AGO4: variants seen among roughly 807,000 people sequenced by gnomAD.
The protein encoded by AGO4 is argonaute RISC component 4.
AGO4 carries 33 observed loss-of-function variants against 104.7 expected under a neutral mutation model. The observed-to-expected ratio is 0.32, with a 90% CI of 0.24 to 0.42. The LOEUF (loss-of-function observed/expected upper bound fraction) is 0.42. Among genes scored for constraint, AGO4 ranks in the 10% least tolerant of loss-of-function variants. The probability of loss-of-function intolerance (pLI) is 1.00; values close to 1 mark genes in which losing one functional copy is unlikely to be tolerated. For synonymous variants in AGO4, 331 were observed against 364.7 expected (o/e 0.91, Z 1.05); for missense variants, 711 against 1,083.4 (o/e 0.66, Z 4.83).
intron 15 of AGO4, among the ~76,000 whole-genome samples, chr1:35,849,039 A>G (rs1205702544): frequency 6.6e-6 from 1 of 152,246 alleles, no homozygotes; most frequent in Non-Finnish European, 1.5e-5. Flanking sequence ...TTGTGCCTGT[A>G]TGCTAAAGAA....
At chr1:35,848,690 A>G (rs1644631698) in intron 15 of AGO4, among the ~76,000 whole-genome samples, 1 of 151,368 alleles carries the variant, frequency 6.6e-6, no homozygotes, top group South Asian at 2.1e-4. Context: ...TATACTTTAT[A>G]TCCCTTTTAA....
rs1644696660 is a variant in AGO4, at chr1:35,851,306, A to C, written c.2477+253A>C. The C allele has an allele frequency of 1.2e-5, 6 of 500,196 alleles. No individual in the cohort carries two copies. In the East Asian group the frequency reaches 2.2e-4, roughly 18 times the overall value. 31.0% of individuals were successfully genotyped at this position (500,196 alleles called of 1,614,324 possible). A position where few individuals can be genotyped will look rare whatever the true frequency, so the allele number is the denominator to read the frequency against. On this transcript the variant is annotated intron_variant, in intron 17 of 17. Transcript: ENST00000373210. ...TGCTTGTGGTTCTCCCATGGAGCCA[A>C]ATGCATTTCAGTTCTGCTCAGGTCC...
rs1644760754 is a variant in AGO4 at position 35,853,744 on chromosome 1, A to G, written c.*139A>G. On this transcript the variant is annotated 3_prime_UTR_variant, in exon 18 of 18. Transcript: ENST00000373210. ...AGCTCGGAATAGTTGCACTGAATCT[A>G]TACTTTGCAGCACTGTCTGATGCGT... 2 of 671,702 alleles carry G rather than the reference A, an allele frequency of 3.0e-6. No individual in the cohort carries two copies. The highest frequency in any genetic ancestry group is 1.9e-5 in the South Asian group (1 of 52,460). The allele number at this position is 671,702 out of a possible 1,614,324, so 41.6% of individuals were successfully genotyped here. A position where few individuals can be genotyped will look rare whatever the true frequency, so the allele number is the denominator to read the frequency against.
intron 12 of AGO4, 129 bp from the exon 13 acceptor site, chr1:35,835,705 T>G: frequency 1.4e-6 from 1 of 699,254 alleles, no homozygotes; most frequent in Non-Finnish European, 2.1e-6. Context: ...GGAAGACACA[T>G]GAGAAGCATC....
intron 13 of AGO4, among the ~76,000 whole-genome samples, chr1:35,839,792 A>G (rs1319867675): frequency 6.6e-6 from 1 of 151,962 alleles, no homozygotes; most frequent in Non-Finnish European, 1.5e-5. Context: ...GATGCCTCTT[A>G]AATTACACTT....
rs773809553 is a variant in AGO4 at position 35,822,884 on chromosome 1, C to T, written c.208C>T (p.Arg70Trp). 4 of 1,613,808 alleles carry T rather than the reference C, an allele frequency of 2.5e-6. No individual in the cohort carries two copies. The highest frequency in any genetic ancestry group is 1.6e-4 in the Middle Eastern group (1 of 6,082). The stretch of plus-strand genomic sequence containing the variant: ...AAGGGAGGTAGTAGATACAATGGTG[C>T]GGCACTTCAAGATGCAAATATTTGG... The part of the protein sequence containing the change: ...VNREVVDTMV[R>W]HFKMQIFGDR... The change falls in exon 3 of 18, where the codon CGG (arginine) becomes TGG (tryptophan). Residue 70 changes from arginine to tryptophan, a missense_variant. Physicochemically the swap from Arg to Trp is moderately radical, Grantham distance 101. Coordinates refer to ENST00000373210, the MANE Select transcript of AGO4 (RefSeq NM_017629.4).
chr1:35,815,615 T>C lies in AGO4; in HGVS notation c.20-1267T>C, dbSNP rs1203520579. On this transcript the variant is annotated intron_variant, in intron 1 of 17. Transcript: ENST00000373210. ...GAGTATGCAAGGTTTCTTTAACTTA[T>C]AGAATCTTTTCTTTTTTGAAATAGT... is the stretch of plus-strand genomic sequence containing the variant. Among the ~76,000 whole-genome samples, 4 of 152,232 alleles carry C rather than the reference T, an allele frequency of 2.6e-5. No individual in the cohort carries two copies. In the East Asian group the frequency reaches 5.8e-4, roughly 22 times the overall value.
intron 17 of AGO4, 67 bp downstream of exon 17, chr1:35,851,120 A>G (rs1644693077): frequency 1.4e-6 from 2 of 1,463,852 alleles, no homozygotes; most frequent in African/African-American, 1.4e-5. Flanking sequence ...ATGAGCTACA[A>G]TAGAAAACTT....
At chr1:35,807,852 C>T (rs1643343958), upstream of AGO4, among the ~76,000 whole-genome samples, 1 of 152,084 alleles carries the variant, frequency 6.6e-6, no homozygotes, top group Admixed American at 6.6e-5. Flanking sequence ...TGTGGGTCAG[C>T]GGAACTGGAA....
chr1:35,857,256 A>T lies in AGO4; in HGVS notation c.*3651A>T, dbSNP rs1644836885. 1 of 152,218 alleles carries T rather than the reference A, an allele frequency of 6.6e-6. No homozygotes were observed. The highest frequency in any genetic ancestry group is 6.5e-5 in the Admixed American group (1 of 15,284). 9.4% of individuals were successfully genotyped at this position (152,218 alleles called of 1,614,324 possible). A position where few individuals can be genotyped will look rare whatever the true frequency, so the allele number is the denominator to read the frequency against. On this transcript the variant is annotated 3_prime_UTR_variant, in exon 18 of 18. Coordinates refer to ENST00000373210, the MANE Select transcript of AGO4 (RefSeq NM_017629.4). ...CTCTGCTTTCATTTTAAGAAAGTGG[A>T]GGCTGAGGGCATTGTATCAATACTG...
In AGO4 at chr1:35,835,920, A is replaced by T; in HGVS notation, c.1651A>T (p.Thr551Ser). The T allele has an allele frequency of 6.2e-7, 1 of 1,614,128 alleles. No individual in the cohort carries two copies. The highest frequency in any genetic ancestry group is 8.5e-7 in the Non-Finnish European group (1 of 1,180,006). Reference sequence around the variant, plus strand: ...AAATGTAGTGAAGACCTCACCTCAAACCCTTTCCAATCTTTGCCTGAAGAT... The same window carrying T: ...AAATGTAGTGAAGACCTCACCTCAATCCCTTTCCAATCTTTGCCTGAAGAT... ...VKNVVKTSPQ[T>S]LSNLCLKINA... The change falls in exon 13 of 18, where the codon ACC becomes TCC. Residue 551 changes from threonine (T) to serine (S), a missense_variant. Transcript: ENST00000373210.
In AGO4 at chr1:35,845,802, T is replaced by C. The variant is rs575069583; in HGVS notation, c.2175+4052T>C. 3.9e-5 allele frequency among the ~76,000 whole-genome samples: 6 copies of C among 152,324 alleles called. No individual in the cohort carries two copies. In the South Asian group the frequency reaches 8.3e-4, roughly 21 times the overall value. The stretch of plus-strand genomic sequence containing the variant: ...AAAACAACAACAAAAACCCAAATCG[T>C]AGTGGCTTACAAAGACTTGCTTTTT... On this transcript the variant is annotated intron_variant, in intron 15 of 17. Coordinates refer to ENST00000373210, the MANE Select transcript of AGO4 (RefSeq NM_017629.4).
rs772505073 is a variant in AGO4, at chr1:35,841,219, C to T, written c.1779C>T (p.Pro593=). ...VIFLGADVTH[P]PAGDGKKPSI... is the part of the protein sequence containing the mutation. The stretch of plus-strand genomic sequence containing the variant: ...TCCTGGGAGCGGATGTCACACACCC[C>T]CCAGCAGGGGATGGGAAGAAACCTT... The change falls in exon 14 of 18, where the codon CCC becomes CCT. Residue 593 remains proline, a synonymous_variant. Transcript: ENST00000373210. The surrounding 1 kb of genome is among the most constrained non-coding windows in gnomAD (Gnocchi z 4.7). The T allele has an allele frequency of 1.2e-6, 2 of 1,614,006 alleles. No individual in the cohort carries two copies. The highest frequency in any genetic ancestry group is 2.2e-5 in the South Asian group (2 of 91,078).
At position 35,808,740 on chromosome 1, in the gene AGO4, G is replaced by A. The variant is rs774641064; in HGVS notation, c.19+305G>A. Among the ~76,000 whole-genome samples the A allele has an allele frequency of 6.6e-6, 1 of 152,276 alleles. No individual in the cohort carries two copies. Among genetic ancestry groups the A allele is most frequent in the African/African-American group, 2.4e-5 (1 of 41,572 alleles). On this transcript the variant is annotated intron_variant, in intron 1 of 17. Transcript: ENST00000373210. This position sits in a 1 kb window ranked among gnomAD's most constrained non-coding sequence, Gnocchi z 5.2. ...GACGATATGTGCCCGGGGTCGCGAC[G>A]AGGGTAGTTTGGGCCTCAGAAGGGG...
At position 35,808,519 on chromosome 1, in the gene AGO4, C is replaced by A; in HGVS notation, c.19+84C>A. ...CGGGACTTTCGCTGCCCCGTCGCCTCGCCGGGTTCGGGCCGCCAGGCCTCG... is the reference window on the plus strand; with the variant it reads ...CGGGACTTTCGCTGCCCCGTCGCCTAGCCGGGTTCGGGCCGCCAGGCCTCG... On this transcript the variant is annotated intron_variant, in intron 1 of 17. Coordinates refer to ENST00000373210, the MANE Select transcript of AGO4 (RefSeq NM_017629.4). This position sits in a 1 kb window ranked among gnomAD's most constrained non-coding sequence, Gnocchi z 5.2. 1 of 1,136,754 alleles carries A rather than the reference C, an allele frequency of 8.8e-7. No homozygotes were observed. The allele number at this position is 1,136,754 out of a possible 1,614,324, so 70.4% of individuals were successfully genotyped here.
Position 35,834,012 on chromosome 1 carries a change from A to G in AGO4, c.1402A>G (p.Lys468Glu). ...LLKSFTDQLR[K>E]ISKDAGMPIQ... is the part of the protein sequence containing the mutation. ...CAGGAGTTTCACTGACCAGCTGCGT[A>G]AAATCTCTAAGGATGCAGGAATGCC... Residue 468 changes from lysine to glutamate, a missense_variant, in exon 12 of 18, where the codon AAA becomes GAA. Lys to Glu is a moderately conservative substitution (Grantham distance 56). Around this residue, in one of 3 missense-constraint regions of AGO4, gnomAD observed 401 missense variants for 665.5 expected, o/e 0.60. Coordinates refer to ENST00000373210, the MANE Select transcript of AGO4 (RefSeq NM_017629.4). 1.3e-6 allele frequency: 2 copies of G among 1,578,434 alleles called. No individual in the cohort carries two copies. The highest frequency in any genetic ancestry group is 1.7e-6 in the Non-Finnish European group (2 of 1,161,766).
chr1:35,847,285 G>A (rs186555875), intron 15 of AGO4, among the ~76,000 whole-genome samples: 13 of 151,192 alleles, frequency 8.6e-5, no homozygotes, highest in Admixed American at 1.3e-4. Context: ...CCAGGCTGGA[G>A]TGCAATGGCT....
At chr1:35,813,293 C>T (rs1035550836) in intron 1 of AGO4, among the ~76,000 whole-genome samples, 2 of 151,840 alleles carry the variant, frequency 1.3e-5, no homozygotes, top group African/African-American at 4.8e-5. Flanking sequence ...CCTGTAGTCC[C>T]AGCTGCTGGG....
chr1:35,839,966 C>CAA (rs1193105845), intron 13 of AGO4, among the ~76,000 whole-genome samples: 39 of 88,986 alleles, frequency 4.4e-4, no homozygotes, highest in African/African-American at 1.2e-3. Flanking sequence ...GACCCTGTCT[C>CAA]AAAAAAAAAA....
Sources: allele counts gnomAD v4.1 joint callset (sites outside exome capture counted in the v4.1 genomes callset), GRCh38; gene constraint gnomAD v4.1.1; regional missense constraint gnomAD v4.1.1; non-coding constraint Gnocchi (gnomAD v3.1); transcripts MANE v1.5; gene names NCBI Gene and HGNC (gene_info 2026-07-23, HGNC 2026-07-21).